Variants in ITGBL1 observed in about 807,000 individuals in gnomAD.
The protein encoded by ITGBL1 is integrin subunit beta like 1.
In ITGBL1, 51 loss-of-function variants were observed where a neutral mutation model predicts 68.5. That is an observed-to-expected ratio of 0.74 (90% CI 0.59 to 0.94). The LOEUF is 0.94. Among genes scored for constraint, ITGBL1 ranks in the 40% least tolerant of loss-of-function variants. ITGBL1 has a pLI of 0.00. For synonymous variants in ITGBL1, 209 were observed against 227.3 expected, an observed-to-expected ratio of 0.92 and a Z score of 0.72; for missense variants, 649 against 647.4, an observed-to-expected ratio of 1.00 and a Z score of -0.03.
chr13:101,551,378 A>G (rs1415885734), intron 2 of ITGBL1, among the ~76,000 whole-genome samples: 1 of 152,190 alleles, frequency 6.6e-6, no homozygotes, highest in Admixed American at 6.5e-5. Flanking sequence ...GAGGTATCGA[A>G]AATGAAGCCA....
chr13:101,516,671 C>T (rs567731871), intron 2 of ITGBL1, among the ~76,000 whole-genome samples: 1 of 152,186 alleles, frequency 6.6e-6, no homozygotes, highest in East Asian at 1.9e-4. Flanking sequence ...AATTAACAAG[C>T]AAGGCAAATT....
At chr13:101,657,615 C>A (rs2032966559) in intron 7 of ITGBL1, among the ~76,000 whole-genome samples, 1 of 152,118 alleles carries the variant, frequency 6.6e-6, no homozygotes, top group African/African-American at 2.4e-5. Context: ...TTTAAAGTTA[C>A]AAAATATTTT....
At chr13:101,637,353 T>C (rs1279555180) in intron 7 of ITGBL1, among the ~76,000 whole-genome samples, 2 of 149,592 alleles carry the variant, frequency 1.3e-5, no homozygotes, top group African/African-American at 5.0e-5. Flanking sequence ...TTTTTTTTTT[T>C]TTTTTTTTGA....
chr13:101,658,155 C>T lies in ITGBL1; in HGVS notation c.1016-34430C>T, dbSNP rs1026520716. On this transcript the variant is annotated intron_variant, in intron 7 of 10. Coordinates refer to ENST00000376180, the MANE Select transcript of ITGBL1 (RefSeq NM_004791.3). ...TTGGCTGGTACCAAATATGTATGCT[C>T]CTTTTAAGAAACAATGCCATATTTT... Among the ~76,000 whole-genome samples the T allele has an allele frequency of 3.3e-5, 5 of 152,208 alleles. No homozygotes were observed. In the South Asian group the frequency reaches 6.2e-4, roughly 19 times the overall value.
rs80066020 is a variant in ITGBL1 at position 101,482,613 on chromosome 13, A to G, written c.316+28513A>G. 4.2e-4 allele frequency among the ~76,000 whole-genome samples: 64 copies of G among 152,300 alleles called. 1 individual carries two copies. The East Asian group carries it at 0.012, about 29-fold the overall frequency. ...CCATGAAATTTATGTTATGCTGTGTAATAATTTCCTCATATACTTTCCATA... is the reference window on the plus strand; with the variant it reads ...CCATGAAATTTATGTTATGCTGTGTGATAATTTCCTCATATACTTTCCATA... On this transcript the variant is annotated intron_variant, in intron 2 of 10. Transcript: ENST00000376180.
At chr13:101,578,643 G>A (rs987615610) in intron 4 of ITGBL1, among the ~76,000 whole-genome samples, 4 of 152,152 alleles carry the variant, frequency 2.6e-5, no homozygotes, top group African/African-American at 9.7e-5. Flanking sequence ...AATGGTGAGT[G>A]CCCTTACCTG....
chr13:101,627,563 A>G (rs1279062160), intron 7 of ITGBL1, among the ~76,000 whole-genome samples: 1 of 152,020 alleles, frequency 6.6e-6, no homozygotes, highest in Non-Finnish European at 1.5e-5. Flanking sequence ...CCACCATGAC[A>G]GTAACATATA....
intron 2 of ITGBL1, among the ~76,000 whole-genome samples, chr13:101,484,744 A>G (rs1457135144): frequency 2.6e-5 from 4 of 152,136 alleles, no homozygotes; most frequent in Non-Finnish European, 4.4e-5. Flanking sequence ...TAGCTGTGAA[A>G]CAATTTTAAA....
At chr13:101,550,338 G>A (rs1400236004) in intron 2 of ITGBL1, among the ~76,000 whole-genome samples, 1 of 152,128 alleles carries the variant, frequency 6.6e-6, no homozygotes, top group African/African-American at 2.4e-5. Flanking sequence ...GCAAAGGTCA[G>A]GAATACTTAC....
intron 2 of ITGBL1, among the ~76,000 whole-genome samples, chr13:101,509,776 T>A (rs2049085808): frequency 6.6e-6 from 1 of 152,124 alleles, no homozygotes; most frequent in South Asian, 2.1e-4. Flanking sequence ...AGTTTTAACC[T>A]ATCAAATAAA....
intron 3 of ITGBL1, among the ~76,000 whole-genome samples, chr13:101,569,270 G>T (rs1030645481): frequency 2.0e-5 from 3 of 151,238 alleles, no homozygotes; most frequent in Middle Eastern, 3.4e-3. Context: ...CAAATTTAGG[G>T]TTTTTTTTTA....
chr13:101,644,637 G>C (rs1438485704), intron 7 of ITGBL1, among the ~76,000 whole-genome samples: 3 of 152,150 alleles, frequency 2.0e-5, no homozygotes, highest in African/African-American at 7.2e-5. Flanking sequence ...GAAAAGCAAA[G>C]TCATCCTTAT....
chr13:101,655,323 A>C (rs1004016324), intron 7 of ITGBL1, among the ~76,000 whole-genome samples: 2 of 152,222 alleles, frequency 1.3e-5, no homozygotes, highest in Non-Finnish European at 2.9e-5. Context: ...GACATATTGC[A>C]AAAAGCAGTT....
intron 2 of ITGBL1, among the ~76,000 whole-genome samples, chr13:101,513,203 CAG>C (rs1566709676): frequency 6.6e-6 from 1 of 151,920 alleles, no homozygotes; most frequent in Non-Finnish European, 1.5e-5. Context: ...CCTGATATTC[CAG>C]AGAGTGTGAA....
At chr13:101,540,105 T>G (rs963297494) in intron 2 of ITGBL1, among the ~76,000 whole-genome samples, 1 of 152,152 alleles carries the variant, frequency 6.6e-6, no homozygotes, top group African/African-American at 2.4e-5. Context: ...GCTTTTGGTG[T>G]TTTAGACATG....
At chr13:101,687,702 T>C (rs2033787013) in intron 7 of ITGBL1, among the ~76,000 whole-genome samples, 2 of 152,122 alleles carry the variant, frequency 1.3e-5, no homozygotes, top group African/African-American at 4.8e-5. Flanking sequence ...ATTATCTACT[T>C]TATTAAAACT....
At chr13:101,720,552 G>A (rs1458318876), downstream of ITGBL1, 1 of 151,330 alleles carries the variant, frequency 6.6e-6, no homozygotes, top group African/African-American at 2.4e-5. Context: ...GTGTGTGTGT[G>A]TGTGTGTGTG....
intron 2 of ITGBL1, among the ~76,000 whole-genome samples, chr13:101,530,522 C>G (rs1211681646): frequency 1.3e-5 from 2 of 152,192 alleles, no homozygotes; most frequent in Non-Finnish European, 2.9e-5. Flanking sequence ...TTTCCCAGCC[C>G]TTCCCTTTTG....
chr13:101,539,931 C>A (rs1594876017), intron 2 of ITGBL1, among the ~76,000 whole-genome samples: 1 of 151,970 alleles, frequency 6.6e-6, no homozygotes, highest in African/African-American at 2.4e-5. Context: ...TGTTTGAGTT[C>A]TTTGTAGTTT....
Sources: allele counts gnomAD v4.1 joint callset (sites outside exome capture counted in the v4.1 genomes callset), GRCh38; gene constraint gnomAD v4.1.1; transcripts MANE v1.5; gene names NCBI Gene and HGNC (gene_info 2026-07-23, HGNC 2026-07-21).